Variants in S100PBP observed in about 807,000 individuals in gnomAD.
S100PBP encodes the protein S100P-binding protein.
In S100PBP, 15 loss-of-function variants were observed where a neutral mutation model predicts 39.9. The observed-to-expected ratio is 0.38, with a 90% CI of 0.25 to 0.58. The LOEUF (loss-of-function observed/expected upper bound fraction) is 0.58. Among genes scored for constraint, S100PBP ranks in the 20% least tolerant of loss-of-function variants. The probability of loss-of-function intolerance (pLI) is 0.70; values close to 1 mark genes in which losing one functional copy is unlikely to be tolerated. For synonymous variants in S100PBP, 178 were observed against 180.3 expected (o/e 0.99, Z 0.10); for missense variants, 504 against 487.3 (o/e 1.03, Z -0.32).
intron 5 of S100PBP, among the ~76,000 whole-genome samples, chr1:32,830,894 A>G (rs1257113860): frequency 1.3e-5 from 2 of 152,114 alleles, no homozygotes; most frequent in Non-Finnish European, 2.9e-5. Flanking sequence ...AAAACTATAA[A>G]AATTAGCCGG....
chr1:32,831,446 A>C (rs1338645272), intron 5 of S100PBP, among the ~76,000 whole-genome samples: 1 of 151,694 alleles, frequency 6.6e-6, no homozygotes, highest in Non-Finnish European at 1.5e-5. Context: ...GTTTTAGGAG[A>C]ATTTTTGGTC....
At chr1:32,822,108 T>G (rs919319137) in intron 1 of S100PBP, among the ~76,000 whole-genome samples, 1 of 152,100 alleles carries the variant, frequency 6.6e-6, no homozygotes, top group African/African-American at 2.4e-5. Flanking sequence ...AACTGTATAT[T>G]TTATGATAAG....
chr1:32,817,475 G>C (rs1638785717), upstream of S100PBP: 2 of 615,694 alleles, frequency 3.2e-6, no homozygotes, highest in African/African-American at 3.7e-5. Flanking sequence ...CAGTGGGCAC[G>C]GTGGGCGGTG....
chr1:32,843,835 G>A (rs931501641), intron 5 of S100PBP, among the ~76,000 whole-genome samples: 18 of 151,706 alleles, frequency 1.2e-4, no homozygotes, highest in African/African-American at 3.6e-4. Flanking sequence ...TGATCTGCCC[G>A]TCTTGGCCTC....
At chr1:32,819,323 T>C (rs1043178204) in intron 1 of S100PBP, among the ~76,000 whole-genome samples, 3 of 152,172 alleles carry the variant, frequency 2.0e-5, no homozygotes, top group African/African-American at 4.8e-5. Flanking sequence ...ATCCCAGCAC[T>C]TGGGGAGGCC....
Position 32,832,017 on chromosome 1 carries a change from C to T in S100PBP, c.1024+1950C>T, listed in dbSNP as rs542250622. On this transcript the variant is annotated intron_variant, in intron 5 of 6. Coordinates refer to ENST00000373475, the MANE Select transcript of S100PBP (RefSeq NM_022753.4). ...ATCCCATGAAGAATAGCTAGAATAACTATAGTGAATAGGCAGCATACTTTA... is the reference window on the plus strand; with the variant it reads ...ATCCCATGAAGAATAGCTAGAATAATTATAGTGAATAGGCAGCATACTTTA... 7.2e-5 allele frequency among the ~76,000 whole-genome samples: 11 copies of T among 152,290 alleles called. No individual in the cohort carries two copies. The South Asian group carries it at 2.3e-3, about 32-fold the overall frequency.
intron 1 of S100PBP, 53 bp downstream of exon 1, chr1:32,817,742 G>C (rs1338361526): frequency 5.0e-6 from 1 of 199,670 alleles, no homozygotes; most frequent in African/African-American, 2.3e-5. Flanking sequence ...GGAGGGGGAT[G>C]GGGGCGCCTG....
At chr1:32,845,139 G>T (rs567395222) in intron 5 of S100PBP, among the ~76,000 whole-genome samples, 1 of 151,110 alleles carries the variant, frequency 6.6e-6, no homozygotes, top group East Asian at 1.9e-4. Context: ...ATTCTCCTGC[G>T]TCAGCCTCCT....
intron 1 of S100PBP, among the ~76,000 whole-genome samples, chr1:32,821,995 C>T (rs1343759914): frequency 6.6e-6 from 1 of 151,946 alleles, no homozygotes; most frequent in Non-Finnish European, 1.5e-5. Flanking sequence ...GATTAAAATA[C>T]ACATAAGACA....
chr1:32,831,730 G>T (rs1639609017), intron 5 of S100PBP, among the ~76,000 whole-genome samples: 1 of 152,004 alleles, frequency 6.6e-6, no homozygotes, highest in Non-Finnish European at 1.5e-5. Flanking sequence ...CATTGGAGGG[G>T]CAAATTTAAA....
chr1:32,838,409 T>TA (rs1429719272), intron 5 of S100PBP, among the ~76,000 whole-genome samples: 2 of 151,946 alleles, frequency 1.3e-5, no homozygotes, highest in African/African-American at 4.8e-5. Flanking sequence ...TTTTCATTTC[T>TA]ATTAGCAGTT....
chr1:32,823,780 A>T (rs910362952), intron 1 of S100PBP, among the ~76,000 whole-genome samples: 4 of 152,220 alleles, frequency 2.6e-5, no homozygotes, highest in Non-Finnish European at 5.9e-5. Context: ...ATACATTAAG[A>T]TTATACATTA....
chr1:32,850,117 G>T (rs574942744), intron 5 of S100PBP, among the ~76,000 whole-genome samples: 13 of 152,276 alleles, frequency 8.5e-5, no homozygotes, highest in Middle Eastern at 6.8e-3. Flanking sequence ...AATGTGAATA[G>T]ATATGTTTTT....
At chr1:32,827,866 C>A (rs1639408694) in intron 3 of S100PBP, 127 bp from the exon 4 acceptor site, 3 of 525,952 alleles carry the variant, frequency 5.7e-6, no homozygotes, top group East Asian at 3.8e-5. Context: ...ATACGTGGTA[C>A]ACAGTAGTGT....
At chr1:32,835,682 G>A (rs1042575392) in intron 5 of S100PBP, 7 of 151,646 alleles carry the variant, frequency 4.6e-5, no homozygotes, top group Admixed American at 2.0e-4. Context: ...GGCTTATTTC[G>A]TTTAGTATAA....
rs1195667910 is a variant in S100PBP at position 32,856,028 on chromosome 1, C to G, written c.1217C>G (p.Ser406Trp). The change falls in exon 7 of 7, where the codon TCG becomes TGG. Residue 406 changes from serine to tryptophan, a missense_variant. Transcript: ENST00000373475. ...HHRFQRLPDF[S>W]YS Reference sequence around the variant, plus strand: ...CGGTTCCAGCGTCTCCCAGACTTCTCGTACAGTTAATTTGTGTCATCCCAT... The same window carrying G: ...CGGTTCCAGCGTCTCCCAGACTTCTGGTACAGTTAATTTGTGTCATCCCAT... The G allele has an allele frequency of 3.7e-6, 6 of 1,610,132 alleles. No individual in the cohort carries two copies. Among genetic ancestry groups the G allele is most frequent in the Middle Eastern group, 1.7e-4 (1 of 6,054 alleles).
rs1639316585 is a variant in S100PBP at position 32,826,250 on chromosome 1, G to A, written c.151G>A (p.Val51Ile). 3.7e-6 allele frequency: 6 copies of A among 1,614,160 alleles called. No homozygotes were observed. The highest frequency in any genetic ancestry group is 1.3e-5 in the African/African-American group (1 of 75,050). ...AGAGGGAGAAGAAGATGATGGTGAT[G>A]TAAATTACACAGAGGAAGAGATTGA... ...LSEGEEDDGDVNYTEEEIDAL... is the reference protein window; with the variant it reads ...LSEGEEDDGDINYTEEEIDAL... Residue 51 changes from valine (V) to isoleucine (I), a missense_variant, in exon 3 of 7, where the codon GTA becomes ATA. Physicochemically the swap from Val to Ile is conservative, Grantham distance 29. Coordinates refer to ENST00000373475, the MANE Select transcript of S100PBP (RefSeq NM_022753.4).
rs1012352360 is a variant in S100PBP at position 32,856,337 on chromosome 1, G to A, written c.*299G>A. 5.3e-6 allele frequency: 1 copy of A among 189,468 alleles called. No homozygotes were observed. Among genetic ancestry groups the A allele is most frequent in the African/African-American group, 2.4e-5 (1 of 41,882 alleles). The allele number at this position is 189,468 out of a possible 1,614,324, so 11.7% of individuals were successfully genotyped here. On this transcript the variant is annotated 3_prime_UTR_variant, in exon 7 of 7. Coordinates refer to ENST00000373475, the MANE Select transcript of S100PBP (RefSeq NM_022753.4). ...GCTGCCTCCTGAAAGCCAGCATTAA[G>A]CCAGAACACCCAGGTTCAAGCAAAA...
At chr1:32,817,122 G>A, upstream of S100PBP, 6 of 1,598,620 alleles carry the variant, frequency 3.8e-6, no homozygotes, top group Non-Finnish European at 5.1e-6. Flanking sequence ...CCCGTAATGG[G>A]GCTCAAAATC....
Sources: allele counts gnomAD v4.1 joint callset (sites outside exome capture counted in the v4.1 genomes callset), GRCh38; gene constraint gnomAD v4.1.1; transcripts MANE v1.5; gene names NCBI Gene and HGNC (gene_info 2026-07-23, HGNC 2026-07-21).